LIPH: variants seen among roughly 807,000 people sequenced by gnomAD.
LIPH encodes lipase H.
A neutral mutation model predicts 47.6 loss-of-function variants in LIPH; 32 were observed. The ratio of observed to expected loss-of-function variants is 0.67; its 90% CI spans 0.51 to 0.90. The LOEUF (loss-of-function observed/expected upper bound fraction) is 0.90, where lower values mean the gene tolerates loss of function less well. LIPH is among the 40% of genes least tolerant of loss of function. LIPH has a pLI of 0.00. For missense variants in LIPH, 497 were observed against 541.4 expected, an observed-to-expected ratio of 0.92 and a Z score of 0.81; for synonymous variants, 190 against 195.6, an observed-to-expected ratio of 0.97 and a Z score of 0.24.
intron 1 of LIPH, among the ~76,000 whole-genome samples, chr3:185,539,863 C>T (rs1424922746): frequency 2.0e-5 from 3 of 152,186 alleles, no homozygotes; most frequent in Non-Finnish European, 4.4e-5. Flanking sequence ...CTGAGTTGGC[C>T]GATAGCCTCC....
In LIPH at chr3:185,533,652, A is replaced by G. The variant is rs533519902; in HGVS notation, c.445T>C (p.Tyr149His). The G allele has an allele frequency of 1.2e-6, 2 of 1,613,744 alleles. 1 individual carries two copies. Among genetic ancestry groups the G allele is most frequent in the Admixed American group, 3.3e-5 (2 of 60,012 alleles). Residue 149 changes from tyrosine to histidine, a missense_variant, in exon 3 of 10, where the codon TAC (tyrosine) becomes CAC (histidine). Coordinates refer to ENST00000296252, the MANE Select transcript of LIPH (RefSeq NM_139248.3). ...GCTCCTAGACTTACTCCGATCATGT[A>G]AATGTCATCAAGAGAAGCTCCTTCT... ...LAEGASLDDIYMIGVSLGAHI... is the reference protein window; with the variant it reads ...LAEGASLDDIHMIGVSLGAHI...
intron 8 of LIPH, among the ~76,000 whole-genome samples, chr3:185,512,981 T>C (rs1414975574): frequency 1.3e-5 from 2 of 152,118 alleles, no homozygotes; most frequent in Admixed American, 6.6e-5. Context: ...GTTGATTCCA[T>C]GGCTGGGGCA....
rs1325169821 is a variant in LIPH at position 185,519,174 on chromosome 3, C to A, written c.854G>T (p.Gly285Val). The change falls in exon 6 of 10, where the codon GGC (glycine) becomes GTC (valine). Residue 285 changes from glycine to valine, a missense_variant. Coordinates refer to ENST00000296252, the MANE Select transcript of LIPH (RefSeq NM_139248.3). ...DYRNGKCVSCGTSQKESCPLL... is the reference protein window; with the variant it reads ...DYRNGKCVSCVTSQKESCPLL... ...GGGACAGGACTCTTTTTGTGACGTG[C>A]CGCAGCTGACACACTTGCCATTCCT... 6.2e-7 allele frequency: 1 copy of A among 1,613,954 alleles called. No individual in the cohort carries two copies. The highest frequency in any genetic ancestry group is 1.7e-4 in the Middle Eastern group (1 of 6,060).
In LIPH at chr3:185,519,201, T is replaced by TA; in HGVS notation, c.826dup (p.Tyr276LeufsTer2). On this transcript the variant is annotated frameshift_variant, in exon 6 of 10. Coordinates refer to ENST00000296252, the MANE Select transcript of LIPH (RefSeq NM_139248.3). ...GCAGCTGACACACTTGCCATTCCTA[T>TA]AATCCTGGTAGGAGTCACAGGGATA... 2 of 1,613,512 alleles carry TA rather than the reference T, an allele frequency of 1.2e-6. No homozygotes were observed. Among genetic ancestry groups the TA allele is most frequent in the Non-Finnish European group, 1.7e-6 (2 of 1,179,458 alleles).
At chr3:185,515,667 C>A (rs1719708629) in intron 7 of LIPH, among the ~76,000 whole-genome samples, 1 of 152,114 alleles carries the variant, frequency 6.6e-6, no homozygotes, top group Admixed American at 6.5e-5. Context: ...CACCACCACG[C>A]CCAGCTAATT....
chr3:185,542,046 C>T (rs1214502018), intron 1 of LIPH, among the ~76,000 whole-genome samples: 3 of 152,062 alleles, frequency 2.0e-5, no homozygotes, highest in African/African-American at 7.2e-5. Flanking sequence ...CGTGAGCCAC[C>T]GTGCCTGGCC....
At chr3:185,535,589 A>G (rs1720479913) in intron 1 of LIPH, among the ~76,000 whole-genome samples, 1 of 150,112 alleles carries the variant, frequency 6.7e-6, no homozygotes, top group Non-Finnish European at 1.5e-5. Context: ...CTGCCAAATC[A>G]TATTTGTTTT....
At chr3:185,540,421 A>G (rs900181740) in intron 1 of LIPH, among the ~76,000 whole-genome samples, 1 of 152,108 alleles carries the variant, frequency 6.6e-6, no homozygotes, top group African/African-American at 2.4e-5. Flanking sequence ...TGATAACTCT[A>G]TATGAAATAT....
intron 6 of LIPH, 130 bp downstream of exon 6, chr3:185,519,012 C>A: frequency 1.3e-6 from 1 of 779,658 alleles, no homozygotes; most frequent in Non-Finnish European, 2.3e-6. Context: ...GCATGAGCCA[C>A]TGTGCCCAGC....
chr3:185,529,418 C>CTTTTTT (rs550163991), intron 3 of LIPH, among the ~76,000 whole-genome samples: 2 of 135,072 alleles, frequency 1.5e-5, no homozygotes, highest in African/African-American at 5.4e-5. Flanking sequence ...TTTTCTTTTT[C>CTTTTTT]TTTTTTTTTT....
intron 1 of LIPH, among the ~76,000 whole-genome samples, chr3:185,535,942 C>A (rs945595334): frequency 6.6e-6 from 1 of 152,138 alleles, no homozygotes; most frequent in Non-Finnish European, 1.5e-5. Context: ...AAGTAGTGAC[C>A]TCTTGCTTCA....
chr3:185,542,028 A>G (rs1014059666), intron 1 of LIPH, among the ~76,000 whole-genome samples: 2 of 152,034 alleles, frequency 1.3e-5, no homozygotes, highest in Admixed American at 1.3e-4. Flanking sequence ...AAGTGCTGGG[A>G]TTACAAGCGT....
intron 1 of LIPH, among the ~76,000 whole-genome samples, chr3:185,540,780 T>C (rs906706622): frequency 1.4e-4 from 22 of 151,998 alleles, no homozygotes; most frequent in Admixed American, 2.6e-4. Flanking sequence ...TGTAGATGTG[T>C]GACCTCTATG....
At chr3:185,539,152 A>T (rs987910987) in intron 1 of LIPH, among the ~76,000 whole-genome samples, 4 of 151,666 alleles carry the variant, frequency 2.6e-5, no homozygotes, top group African/African-American at 9.7e-5. Context: ...TATTTTTAGT[A>T]GAGACGGGGT....
At chr3:185,534,720 G>T (rs769682053) in intron 2 of LIPH, 45 bp downstream of exon 2, 15 of 1,605,248 alleles carry the variant, frequency 9.3e-6, no homozygotes, top group East Asian at 2.2e-5. Context: ...CAGATAATGG[G>T]CCAGTTTCAA....
At chr3:185,528,484 C>T (rs747467143) in intron 3 of LIPH, among the ~76,000 whole-genome samples, 18 of 152,030 alleles carry the variant, frequency 1.2e-4, no homozygotes, top group Non-Finnish European at 2.4e-4. Context: ...ATCCATGTTG[C>T]AAACCTGTAA....
At chr3:185,516,751 T>C (rs1719741390) in intron 7 of LIPH, among the ~76,000 whole-genome samples, 1 of 151,688 alleles carries the variant, frequency 6.6e-6, no homozygotes, top group Non-Finnish European at 1.5e-5. Flanking sequence ...CCAGTGAAAC[T>C]AACAACTCTG....
chr3:185,511,934 C>T (rs1168184919), intron 8 of LIPH, among the ~76,000 whole-genome samples: 4 of 150,932 alleles, frequency 2.7e-5, no homozygotes, highest in East Asian at 1.9e-4. Flanking sequence ...CTCCAAAGGG[C>T]GATGTAAGTG....
intron 3 of LIPH, among the ~76,000 whole-genome samples, chr3:185,532,494 G>C (rs1720363379): frequency 6.7e-6 from 1 of 150,268 alleles, no homozygotes; most frequent in African/African-American, 2.5e-5. Flanking sequence ...GCGAGACCCT[G>C]TCAAAAAAAA....
Sources: allele counts gnomAD v4.1 joint callset (sites outside exome capture counted in the v4.1 genomes callset), GRCh38; gene constraint gnomAD v4.1.1; transcripts MANE v1.5; gene names NCBI Gene and HGNC (gene_info 2026-07-23, HGNC 2026-07-21).